The following CNTNAP4 variants were observed in gnomAD, a reference collection of about 807,000 sequenced individuals.
CNTNAP4 encodes the protein contactin-associated protein-like 4.
In CNTNAP4, 98 loss-of-function variants were observed where a neutral mutation model predicts 148.4. That is an observed-to-expected ratio of 0.66 (90% CI 0.56 to 0.78). The LOEUF (loss-of-function observed/expected upper bound fraction) is 0.78, where lower values mean the gene tolerates loss of function less well. Among genes scored for constraint, CNTNAP4 ranks in the 30% least tolerant of loss-of-function variants. The pLI is 0.00. For synonymous variants in CNTNAP4, 730 were observed against 565.1 expected, an observed-to-expected ratio of 1.29 and a Z score of -4.14; for missense variants, 1,935 against 1,565.6, an observed-to-expected ratio of 1.24 and a Z score of -3.98.
At chr16:76,445,644 A>G (rs1236688680) in intron 4 of CNTNAP4, among the ~76,000 whole-genome samples, 1 of 152,190 alleles carries the variant, frequency 6.6e-6, no homozygotes, top group Admixed American at 6.6e-5. Flanking sequence ...TAGGTGCCAC[A>G]GAAGATACAT....
intron 4 of CNTNAP4, among the ~76,000 whole-genome samples, chr16:76,447,372 G>A (rs2080288916): frequency 7.0e-6 from 1 of 142,250 alleles, no homozygotes; most frequent in Admixed American, 6.8e-5. Flanking sequence ...ATATATATGA[G>A]AAATTTAGGA....
chr16:76,421,357 CA>C (rs2079182114), intron 3 of CNTNAP4, among the ~76,000 whole-genome samples: 2 of 151,964 alleles, frequency 1.3e-5, no homozygotes, highest in Non-Finnish European at 2.9e-5. Context: ...CAAAACTTAA[CA>C]TTCTAATTTG....
At chr16:76,456,956 A>C (rs976528558) in intron 8 of CNTNAP4, among the ~76,000 whole-genome samples, 2 of 152,170 alleles carry the variant, frequency 1.3e-5, no homozygotes, top group Non-Finnish European at 2.9e-5. Context: ...AGATTAAATG[A>C]TACTATGCAT....
At chr16:76,446,419 A>G (rs1361485055) in intron 4 of CNTNAP4, among the ~76,000 whole-genome samples, 4 of 152,206 alleles carry the variant, frequency 2.6e-5, no homozygotes, top group African/African-American at 4.8e-5. Context: ...AATGTAGACA[A>G]TACCGTCAGG....
chr16:76,476,658 C>G (rs963201947), intron 11 of CNTNAP4, among the ~76,000 whole-genome samples: 1 of 152,134 alleles, frequency 6.6e-6, no homozygotes, highest in African/African-American at 2.4e-5. Context: ...TCATAGACTT[C>G]CATCTTCTCA....
intron 17 of CNTNAP4, among the ~76,000 whole-genome samples, chr16:76,526,203 C>T (rs1185459897): frequency 3.3e-5 from 5 of 151,934 alleles, no homozygotes; most frequent in African/African-American, 4.8e-5. Context: ...ACCCTGTGAA[C>T]ATCTGAAGGA....
At chr16:76,385,203 G>T (rs1350145880) in intron 3 of CNTNAP4, among the ~76,000 whole-genome samples, 1 of 152,124 alleles carries the variant, frequency 6.6e-6, no homozygotes, top group Non-Finnish European at 1.5e-5. Flanking sequence ...ATTTAGAGCA[G>T]CAAGAGCTAT....
rs539690890 is a variant in CNTNAP4, at chr16:76,498,843, G to A, written c.2365+149G>A. 5 of 701,676 alleles carry A rather than the reference G, an allele frequency of 7.1e-6. No homozygotes were observed. The African/African-American group carries it at 9.1e-5, about 13-fold the overall frequency. 43.5% of individuals were successfully genotyped at this position (701,676 alleles called of 1,614,324 possible). Reference sequence around the variant, plus strand: ...TTGTTTGTTTCCACATACATGAGGTGCCTTTAGTAGTCAAATTCATAGACA... The same window carrying A: ...TTGTTTGTTTCCACATACATGAGGTACCTTTAGTAGTCAAATTCATAGACA... On this transcript the variant is annotated intron_variant, in intron 15 of 23. Transcript: ENST00000611870.
chr16:76,347,034 G>T (rs1018043238), intron 2 of CNTNAP4, among the ~76,000 whole-genome samples: 12 of 152,002 alleles, frequency 7.9e-5, no homozygotes, highest in Non-Finnish European at 1.5e-4. Context: ...AAGTGAAAAA[G>T]CATCTCTTTT....
intron 7 of CNTNAP4, 105 bp downstream of exon 7, chr16:76,449,963 C>T: frequency 1.1e-6 from 1 of 919,766 alleles, no homozygotes. Flanking sequence ...TTTAGAGGTA[C>T]TCTTATTTAA....
chr16:76,553,529 T>C (rs1211504863), intron 22 of CNTNAP4, 28 bp downstream of exon 22: 1 of 1,500,434 alleles, frequency 6.7e-7, no homozygotes, highest in African/African-American at 1.4e-5. Context: ...CTCTACTCAG[T>C]CACAGACGTA....
intron 3 of CNTNAP4, among the ~76,000 whole-genome samples, chr16:76,370,746 G>A (rs1341851362): frequency 1.3e-5 from 2 of 152,188 alleles, no homozygotes; most frequent in African/African-American, 2.4e-5. Flanking sequence ...GAGGATGCAG[G>A]CAGAATCCAA....
chr16:76,535,064 G>A (rs933763822), intron 17 of CNTNAP4, among the ~76,000 whole-genome samples: 3 of 152,198 alleles, frequency 2.0e-5, no homozygotes, highest in Admixed American at 1.3e-4. Context: ...TTCAATGAAT[G>A]GATAACAACC....
intron 22 of CNTNAP4, 131 bp downstream of exon 22, chr16:76,553,632 T>A (rs2085064096): frequency 1.4e-6 from 1 of 710,274 alleles, no homozygotes; most frequent in Non-Finnish European, 2.4e-6. Flanking sequence ...GTTTAGCTTT[T>A]AGTTCTCCTT....
At chr16:76,325,198 T>C in intron 2 of CNTNAP4, among the ~76,000 whole-genome samples, 1 of 152,186 alleles carries the variant, frequency 6.6e-6, no homozygotes, top group East Asian at 1.9e-4. Context: ...ATGTATATCA[T>C]TCTGTAGCTT....
At chr16:76,287,581 A>C (rs1265225225) in intron 1 of CNTNAP4, 1 of 152,148 alleles carries the variant, frequency 6.6e-6, no homozygotes, top group African/African-American at 2.4e-5. Flanking sequence ...TGTTTTTCTG[A>C]GTTAGCAAAA....
chr16:76,524,363 G>A (rs189206257), intron 17 of CNTNAP4, among the ~76,000 whole-genome samples: 7 of 152,260 alleles, frequency 4.6e-5, no homozygotes, highest in African/African-American at 1.7e-4. Flanking sequence ...ATGAGAGATG[G>A]CCACAACAAA....
intron 2 of CNTNAP4, among the ~76,000 whole-genome samples, chr16:76,329,023 A>G (rs960172796): frequency 9.9e-5 from 15 of 152,202 alleles, no homozygotes; most frequent in African/African-American, 3.4e-4. Context: ...CTGTAACTCT[A>G]AAAGTATTTT....
chr16:76,483,468 T>C (rs1280812619), intron 12 of CNTNAP4, among the ~76,000 whole-genome samples: 3 of 152,196 alleles, frequency 2.0e-5, no homozygotes, highest in Admixed American at 6.5e-5. Context: ...TAAAGACACC[T>C]TATTTAATAC....
Sources: gnomAD v4.1 joint callset for allele counts (sites outside exome capture counted in the v4.1 genomes callset) on GRCh38, gnomAD v4.1.1 for gene constraint, MANE v1.5 for transcripts, NCBI Gene and HGNC (gene_info 2026-07-23, HGNC 2026-07-21) for gene names.